ATP6V0D1: variants seen among roughly 807,000 people sequenced by gnomAD.
ATP6V0D1 encodes the protein ATPase H+ transporting V0 subunit d1, also known as V-type proton ATPase subunit d 1.
A neutral mutation model predicts 39.0 loss-of-function variants in ATP6V0D1; 13 were observed. The observed-to-expected ratio is 0.33, with a 90% CI of 0.22 to 0.53. The LOEUF (loss-of-function observed/expected upper bound fraction) is 0.53, where lower values mean the gene tolerates loss of function less well. ATP6V0D1 is among the 20% of genes least tolerant of loss of function. The probability of loss-of-function intolerance (pLI) is 0.94; values close to 1 mark genes in which losing one functional copy is unlikely to be tolerated. For missense variants in ATP6V0D1, 272 were observed against 470.9 expected, an observed-to-expected ratio of 0.58 and a Z score of 3.91; for synonymous variants, 191 against 191.2, an observed-to-expected ratio of 1.00 and a Z score of 0.01.
At position 67,439,364 on chromosome 16, in the gene ATP6V0D1, T is replaced by C. The variant is rs770801854; in HGVS notation, c.562-13A>G. ...ACTCCAGGTAGGCCTGTAGAGAGTA[T>C]GGAGCTTGCTCAGCACAGGCAAGGA... On this transcript the variant is annotated splice_polypyrimidine_tract_variant and intron_variant, in intron 4 of 7. Transcript: ENST00000290949. 2 of 1,613,596 alleles carry C rather than the reference T, an allele frequency of 1.2e-6. No individual in the cohort carries two copies. The highest frequency in any genetic ancestry group is 1.7e-6 in the Non-Finnish European group (2 of 1,179,780).
At chr16:67,466,326 T>TACACACACACACACACACACAC (rs536624557) in intron 1 of ATP6V0D1, among the ~76,000 whole-genome samples, 1 of 120,504 alleles carries the variant, frequency 8.3e-6, no homozygotes, top group Non-Finnish European at 1.7e-5. Context: ...AGTAAACACA[T>TACACACACACACACACACACAC]ACACACACAC....
In ATP6V0D1 at chr16:67,438,483, A is replaced by G. The variant is rs543440135; in HGVS notation, c.*45T>C. On this transcript the variant is annotated 3_prime_UTR_variant, in exon 8 of 8. Coordinates refer to ENST00000290949, the MANE Select transcript of ATP6V0D1 (RefSeq NM_004691.5). ...CACGCACACACACGCGCACACACAC[A>G]CACACACACACAAAGAGTGCAATTG... 1 of 1,606,478 alleles carries G rather than the reference A, an allele frequency of 6.2e-7. No homozygotes were observed. Among genetic ancestry groups the G allele is most frequent in the Middle Eastern group, 1.7e-4 (1 of 6,040 alleles).
chr16:67,466,529 CA>C (rs1008928887), intron 1 of ATP6V0D1, among the ~76,000 whole-genome samples: 172 of 124,820 alleles, frequency 1.4e-3, no homozygotes, highest in Non-Finnish European at 1.2e-3. Context: ...AACTCTGTCT[CA>C]AAAAAAAAAA....
At chr16:67,480,257 G>A (rs1008385440) in intron 1 of ATP6V0D1, among the ~76,000 whole-genome samples, 13 of 150,056 alleles carry the variant, frequency 8.7e-5, no homozygotes, top group Admixed American at 2.0e-4. Context: ...GTGCTGAGAA[G>A]AAAGGGGAAC....
chr16:67,458,345 T>C (rs8055783), intron 1 of ATP6V0D1, among the ~76,000 whole-genome samples: 12,439 of 152,214 alleles, frequency 0.082, 1,682 homozygotes, highest in African/African-American at 0.28. Flanking sequence ...CTGGAACTTG[T>C]TGAGAGCTTT....
At chr16:67,462,360 A>G (rs2041295256) in intron 1 of ATP6V0D1, among the ~76,000 whole-genome samples, 1 of 152,214 alleles carries the variant, frequency 6.6e-6, no homozygotes, top group Non-Finnish European at 1.5e-5. Flanking sequence ...GTTTGCCACC[A>G]CGGTTATAGA....
At chr16:67,450,775 T>C (rs2041171083) in intron 2 of ATP6V0D1, among the ~76,000 whole-genome samples, 1 of 152,152 alleles carries the variant, frequency 6.6e-6, no homozygotes, top group Non-Finnish European at 1.5e-5. Context: ...GGAAGGTGCC[T>C]GCACAGACAG....
Position 67,447,818 on chromosome 16 carries a change from G to C in ATP6V0D1, c.303-3112C>G, listed in dbSNP as rs936531748. Among the ~76,000 whole-genome samples, 1 of 152,268 alleles carries C rather than the reference G, an allele frequency of 6.6e-6. No homozygotes were observed. Among genetic ancestry groups the C allele is most frequent in the African/African-American group, 2.4e-5 (1 of 41,542 alleles). Reference sequence around the variant, plus strand: ...TGGAACAATATGGCTTCTCAACCCCGGGTGGCTGGTCTGGTGCTGGTGAGG... The same window carrying C: ...TGGAACAATATGGCTTCTCAACCCCCGGTGGCTGGTCTGGTGCTGGTGAGG... On this transcript the variant is annotated intron_variant, in intron 2 of 7. Coordinates refer to ENST00000290949, the MANE Select transcript of ATP6V0D1 (RefSeq NM_004691.5). The surrounding 1 kb of genome is among the most constrained non-coding windows in gnomAD (Gnocchi z 4.1).
chr16:67,453,185 C>T lies in ATP6V0D1; in HGVS notation c.302+359G>A, dbSNP rs527245575. On this transcript the variant is annotated intron_variant, in intron 2 of 7. Coordinates refer to ENST00000290949, the MANE Select transcript of ATP6V0D1 (RefSeq NM_004691.5). This position sits in a 1 kb window ranked among gnomAD's most constrained non-coding sequence, Gnocchi z 4.1. ...GGGTGCTGTAGGGTAAGAAAAAGGG[C>T]TCCCACCTTCCCAGGTTTCCCTGCC... Among the ~76,000 whole-genome samples the T allele has an allele frequency of 2.0e-5, 3 of 152,270 alleles. No homozygotes were observed. Among genetic ancestry groups the T allele is most frequent in the Admixed American group, 2.0e-4 (3 of 15,298 alleles).
intron 2 of ATP6V0D1, among the ~76,000 whole-genome samples, chr16:67,446,626 A>ACGC (rs1159410912): frequency 1.3e-5 from 2 of 152,028 alleles, no homozygotes; most frequent in African/African-American, 4.8e-5. Flanking sequence ...GACAGCACAC[A>ACGC]CGCCTCCTGC....
In ATP6V0D1 at chr16:67,443,298, G is replaced by A. The variant is rs1403447907; in HGVS notation, c.482-120C>T. The A allele has an allele frequency of 5.1e-6, 5 of 978,714 alleles. No homozygotes were observed. The East Asian group carries it at 1.2e-4, about 24-fold the overall frequency. 60.6% of individuals were successfully genotyped at this position (978,714 alleles called of 1,614,324 possible). A position where few individuals can be genotyped will look rare whatever the true frequency, so the allele number is the denominator to read the frequency against. On this transcript the variant is annotated intron_variant, in intron 3 of 7. Transcript: ENST00000290949. ...AAGGCCCACAGGGCTGGGTATTGAG[G>A]GGTCCCCAGCCTAGGCTGTTGCCTT...
rs926321748 is a variant in ATP6V0D1, at chr16:67,438,452, C to T, written c.*76G>A. 56 of 1,498,896 alleles carry T rather than the reference C, an allele frequency of 3.7e-5. No homozygotes were observed. In the Admixed American group the frequency reaches 4.1e-4, roughly 11 times the overall value. The allele number at this position is 1,498,896 out of a possible 1,614,324, so 92.8% of individuals were successfully genotyped here. A position where few individuals can be genotyped will look rare whatever the true frequency, so the allele number is the denominator to read the frequency against. On this transcript the variant is annotated 3_prime_UTR_variant, in exon 8 of 8. Coordinates refer to ENST00000290949, the MANE Select transcript of ATP6V0D1 (RefSeq NM_004691.5). ...CCACAGGCTTGTCACAGACCACATACACACACACGCACACACACGCGCACA... is the reference window on the plus strand; with the variant it reads ...CCACAGGCTTGTCACAGACCACATATACACACACGCACACACACGCGCACA...
At chr16:67,449,654 TC>T (rs1375605844) in intron 2 of ATP6V0D1, among the ~76,000 whole-genome samples, 1 of 152,178 alleles carries the variant, frequency 6.6e-6, no homozygotes, top group Non-Finnish European at 1.5e-5. Flanking sequence ...GGCTTCTCTA[TC>T]CCCACCTGAT....
intron 1 of ATP6V0D1, among the ~76,000 whole-genome samples, chr16:67,466,326 TACACACACACACACACACACACACACAC>T (rs536624557): frequency 6.6e-5 from 8 of 120,582 alleles, no homozygotes; most frequent in South Asian, 2.8e-4. Context: ...AGTAAACACA[TACACACACACACACACACACACACACAC>T]ACACACACAC....
intron 4 of ATP6V0D1, among the ~76,000 whole-genome samples, chr16:67,442,113 C>T (rs1209446397): frequency 1.3e-5 from 2 of 152,398 alleles, no homozygotes; most frequent in East Asian, 3.9e-4. Flanking sequence ...CCCTTGCCGA[C>T]ACCACTGCAA....
At chr16:67,476,642 A>G (rs1223031292) in intron 1 of ATP6V0D1, among the ~76,000 whole-genome samples, 11 of 152,198 alleles carry the variant, frequency 7.2e-5, no homozygotes, top group Non-Finnish European at 1.6e-4. Flanking sequence ...GAATAGCACT[A>G]TTTTGCAACC....
chr16:67,442,296 G>A (rs918279004), intron 4 of ATP6V0D1, among the ~76,000 whole-genome samples: 5 of 152,166 alleles, frequency 3.3e-5, no homozygotes, highest in African/African-American at 7.2e-5. Flanking sequence ...CAGGTCCCTC[G>A]GCCAGGGCCA....
chr16:67,463,970 G>C (rs971067812), intron 1 of ATP6V0D1, among the ~76,000 whole-genome samples: 2 of 152,252 alleles, frequency 1.3e-5, no homozygotes, highest in African/African-American at 4.8e-5. Context: ...TGGAGCCTGG[G>C]CAGATACCGA....
chr16:67,459,281 C>G, intron 1 of ATP6V0D1: 5 of 985,400 alleles, frequency 5.1e-6, no homozygotes, highest in Non-Finnish European at 6.0e-6. Flanking sequence ...ACACCCCCAG[C>G]CTGGAAAGTG....
Sources: gnomAD v4.1 joint callset for allele counts (sites outside exome capture counted in the v4.1 genomes callset) on GRCh38, gnomAD v4.1.1 for gene constraint, Gnocchi (gnomAD v3.1) non-coding constraint, MANE v1.5 for transcripts, NCBI Gene and HGNC (gene_info 2026-07-23, HGNC 2026-07-21) for gene names.